The following GFI1B variants were observed in gnomAD, a reference collection of about 807,000 sequenced individuals.
GFI1B encodes zinc finger protein Gfi-1b.
Under a neutral mutation model 35.3 loss-of-function variants are expected in GFI1B, and 20 were observed. The observed-to-expected ratio is 0.57, with a 90% CI of 0.40 to 0.82. GFI1B has a LOEUF of 0.82. Among genes scored for constraint, GFI1B ranks in the 40% least tolerant of loss-of-function variants. The pLI is 0.00. For missense variants in GFI1B, 430 were observed against 446.3 expected (o/e 0.96, Z 0.33); for synonymous variants, 178 against 177.6 (o/e 1.00, Z -0.02).
chr9:132,962,538 A>C, intron 1 of GFI1B: 2 of 513,664 alleles, frequency 3.9e-6, no homozygotes, highest in Non-Finnish European at 7.9e-6. Flanking sequence ...TTTGAGGATT[A>C]AGTGATTCCT....
Position 132,962,126 on chromosome 9 carries a change from GT to G in GFI1B, c.-700-10589del, listed in dbSNP as rs1304765270. Reference sequence around the variant, plus strand: ...CTCACACATGTGTGCATACAGAATTGTTTTTTTTTTCTTTTTTTTTTTTTCT... The same window carrying G: ...CTCACACATGTGTGCATACAGAATTGTTTTTTTTTCTTTTTTTTTTTTTCT... On this transcript the variant is annotated intron_variant, in intron 1 of 10. Transcript: ENST00000339463. Among the ~76,000 whole-genome samples the G allele has an allele frequency of 9.9e-5, 13 of 131,708 alleles. No homozygotes were observed. The East Asian group carries it at 1.1e-3, about 11-fold the overall frequency. The allele number at this position is 131,708 out of a possible 152,430, so 86.4% of individuals were successfully genotyped here. A position where few individuals can be genotyped will look rare whatever the true frequency, so the allele number is the denominator to read the frequency against.
chr9:132,977,679 A>G (rs951946724), upstream of GFI1B, among the ~76,000 whole-genome samples: 1 of 151,958 alleles, frequency 6.6e-6, no homozygotes, highest in African/African-American at 2.4e-5. Flanking sequence ...GAGGAGGGAG[A>G]AGGTGGGGAG....
At chr9:132,986,802 C>T in intron 2 of GFI1B, 24 bp downstream of exon 2, 1 of 1,438,386 alleles carries the variant, frequency 7.0e-7, no homozygotes, top group Non-Finnish European at 9.7e-7. Context: ...CGGGCTGGCG[C>T]CTGCTGCACC....
At chr9:132,963,573 G>A (rs1169270303) in intron 1 of GFI1B, among the ~76,000 whole-genome samples, 1 of 151,818 alleles carries the variant, frequency 6.6e-6, no homozygotes, top group Non-Finnish European at 1.5e-5. Context: ...GCGTGATCTC[G>A]AACTCCTGAT....
At chr9:132,978,627 T>A (rs1283097560), upstream of GFI1B, 3 of 152,156 alleles carry the variant, frequency 2.0e-5, no homozygotes, top group African/African-American at 7.2e-5. Context: ...TGGCTGCTTG[T>A]TCACCGCCAG....
At chr9:132,970,319 G>T (rs1489815681) in intron 1 of GFI1B, among the ~76,000 whole-genome samples, 6 of 152,092 alleles carry the variant, frequency 3.9e-5, no homozygotes, top group African/African-American at 1.5e-4. Flanking sequence ...TGCTGAACCT[G>T]CCCAGACACC....
At chr9:132,968,036 C>T (rs1026749899) in intron 1 of GFI1B, among the ~76,000 whole-genome samples, 1 of 152,084 alleles carries the variant, frequency 6.6e-6, no homozygotes, top group Non-Finnish European at 1.5e-5. Flanking sequence ...CCTGCCTTGG[C>T]CTCCCAAAGT....
chr9:132,959,332 G>C (rs573451465), intron 1 of GFI1B, among the ~76,000 whole-genome samples: 1 of 152,274 alleles, frequency 6.6e-6, no homozygotes, highest in East Asian at 1.9e-4. Flanking sequence ...ACTTGAAGAA[G>C]GACATGTTTG....
At position 132,991,069 on chromosome 9, in the gene GFI1B, C is replaced by G. The variant is rs1289112521; in HGVS notation, c.*19C>G. 6.2e-7 allele frequency: 1 copy of G among 1,609,428 alleles called. No homozygotes were observed. On this transcript the variant is annotated 3_prime_UTR_variant, in exon 7 of 7. Transcript: ENST00000372122. The stretch of plus-strand genomic sequence containing the variant: ...CAAGTGAGGCTGCGCCGGCTCCCAG[C>G]TCCTGGCCAGCCTGCCCTGCGGTCC...
intron 1 of GFI1B, among the ~76,000 whole-genome samples, chr9:132,954,622 A>G (rs553867125): frequency 1.3e-5 from 2 of 151,578 alleles, no homozygotes; most frequent in African/African-American, 4.8e-5. Flanking sequence ...GGGTTTTGCT[A>G]TGTTGTCCAG....
In GFI1B at chr9:132,989,912, G is replaced by A. The variant is rs776841660; in HGVS notation, c.814+5G>A. 2 of 1,613,802 alleles carry A rather than the reference G, an allele frequency of 1.2e-6. No homozygotes were observed. The highest frequency in any genetic ancestry group is 4.5e-5 in the East Asian group (2 of 44,878). ...AGCACACCTACATCCACACAGGTGA[G>A]TGAGTCTCACCTGCCTGTGCCCCCT... On this transcript the variant is annotated splice_donor_5th_base_variant and intron_variant, in intron 6 of 6. Coordinates refer to ENST00000372122, the MANE Select transcript of GFI1B (RefSeq NM_001377304.1). This position sits in a 1 kb window ranked among gnomAD's most constrained non-coding sequence, Gnocchi z 6.2.
rs1009346279 is a variant in GFI1B, at chr9:132,989,562, A to G, written c.649-180A>G. On this transcript the variant is annotated intron_variant, in intron 5 of 6. Coordinates refer to ENST00000372122, the MANE Select transcript of GFI1B (RefSeq NM_001377304.1). The surrounding 1 kb of genome is among the most constrained non-coding windows in gnomAD (Gnocchi z 6.2). ...GATACCGTGAAGATTACAAGGAAAA[A>G]TCCCACAGGAGACCAATGAGACTCC... 2.5e-5 allele frequency: 15 copies of G among 606,998 alleles called. No individual in the cohort carries two copies. Among genetic ancestry groups the G allele is most frequent in the Non-Finnish European group, 3.8e-5 (13 of 341,070 alleles). 37.6% of individuals were successfully genotyped at this position (606,998 alleles called of 1,614,324 possible). A position where few individuals can be genotyped will look rare whatever the true frequency, so the allele number is the denominator to read the frequency against.
intron 1 of GFI1B, chr9:132,963,833 G>A (rs1214877874): frequency 6.6e-6 from 1 of 152,168 alleles, no homozygotes; most frequent in Non-Finnish European, 1.5e-5. Flanking sequence ...GGGACTGATT[G>A]AATAAACTAT....
chr9:132,952,127 G>GT (rs923210518), intron 1 of GFI1B: 7 of 151,924 alleles, frequency 4.6e-5, no homozygotes, highest in African/African-American at 1.2e-4. Context: ...TATTTTGTGT[G>GT]TTTTTTTAAA....
chr9:132,984,311 G>T (rs970159702), intron 1 of GFI1B, among the ~76,000 whole-genome samples: 1 of 152,094 alleles, frequency 6.6e-6, no homozygotes, highest in Non-Finnish European at 1.5e-5. Flanking sequence ...CGGGAAGGAA[G>T]GGGGGTGTGG....
upstream of GFI1B, among the ~76,000 whole-genome samples, chr9:132,974,777 T>C (rs768962044): frequency 1.3e-5 from 2 of 149,092 alleles, no homozygotes; most frequent in African/African-American, 4.8e-5. Context: ...AAGACCTGGA[T>C]GACAAGAAGG....
At chr9:132,960,929 G>A (rs1848352438) in intron 1 of GFI1B, among the ~76,000 whole-genome samples, 1 of 152,044 alleles carries the variant, frequency 6.6e-6, no homozygotes, top group Admixed American at 6.6e-5. Context: ...CAGCGTGTTG[G>A]ATGTTAAAGA....
Position 132,986,699 on chromosome 9 carries a change from G to A in GFI1B, c.21G>A (p.Val7=). The A allele has an allele frequency of 1.2e-6, 2 of 1,611,626 alleles. No individual in the cohort carries two copies. The highest frequency in any genetic ancestry group is 1.7e-6 in the Non-Finnish European group (2 of 1,178,634). MPRSFL[V]KSKKAHTYHQ... ...TGAAAATGCCACGCTCCTTCCTGGT[G>A]AAGAGCAAGAAGGCTCACACCTACC... Residue 7 remains valine, a synonymous_variant, in exon 2 of 7, where the codon GTG becomes GTA. Transcript: ENST00000372122.
At chr9:132,972,103 T>G (rs1200133950) in intron 1 of GFI1B, among the ~76,000 whole-genome samples, 1 of 151,710 alleles carries the variant, frequency 6.6e-6, no homozygotes, top group East Asian at 1.9e-4. Context: ...AGCAAGACCC[T>G]GTCTCTACAA....
Sources: gnomAD v4.1 joint callset for allele counts (sites outside exome capture counted in the v4.1 genomes callset) on GRCh38, gnomAD v4.1.1 for gene constraint, Gnocchi (gnomAD v3.1) non-coding constraint, MANE v1.5 for transcripts, NCBI Gene and HGNC (gene_info 2026-07-23, HGNC 2026-07-21) for gene names.